CLEC18B: variants seen among roughly 807,000 people sequenced by gnomAD.
CLEC18B encodes the protein mannose receptor-like 2.
In CLEC18B, 5 loss-of-function variants were observed where a neutral mutation model predicts 60.4. The observed-to-expected ratio is 0.08, with a 90% confidence interval of 0.04 to 0.17. The LOEUF (loss-of-function observed/expected upper bound fraction) is 0.17, where lower values mean the gene tolerates loss of function less well. Ranked by LOEUF, CLEC18B falls within the 10% of genes least tolerant of loss-of-function variation. The pLI, the probability that CLEC18B is intolerant of heterozygous loss-of-function variation, is 1.00. For synonymous variants in CLEC18B, 16 were observed against 221.2 expected, an observed-to-expected ratio of 0.07 and a Z score of 8.23; for missense variants, 26 against 572.8, an observed-to-expected ratio of 0.05 and a Z score of 9.74.
At chr16:74,422,360 GGAGTTTGTGTGACCCCTGGCCCCT>G (rs2013718446), upstream of CLEC18B, 1 of 152,266 alleles carries the variant, frequency 6.6e-6, no homozygotes, top group Admixed American at 6.5e-5. Flanking sequence ...TCCTCCTTCT[GGAGTTTGTGTGACCCCTGGCCCCT>G]GAGCCCACAC....
upstream of CLEC18B, among the ~76,000 whole-genome samples, chr16:74,423,293 T>C (rs1361907632): frequency 1.3e-5 from 2 of 151,474 alleles, no homozygotes; most frequent in Non-Finnish European, 2.9e-5. Context: ...AGTTGACCCA[T>C]ATAGTATGAT....
At chr16:74,423,372 T>G (rs1207663199), upstream of CLEC18B, among the ~76,000 whole-genome samples, 20 of 152,160 alleles carry the variant, frequency 1.3e-4, no homozygotes, top group Non-Finnish European at 1.8e-4. Flanking sequence ...TTTTGAAGGG[T>G]CCCATGGCCC....
In CLEC18B at chr16:74,411,784, G is replaced by C. The variant is rs1252034695; in HGVS notation, c.878-9C>G. The C allele has an allele frequency of 1.4e-6, 2 of 1,473,768 alleles. No individual in the cohort carries two copies. The highest frequency in any genetic ancestry group is 1.9e-6 in the Non-Finnish European group (2 of 1,055,908). The allele number at this position is 1,473,768 out of a possible 1,614,324, so 91.3% of individuals were successfully genotyped here. On this transcript the variant is annotated splice_polypyrimidine_tract_variant and intron_variant, in intron 7 of 11. Transcript: ENST00000682950. ...GGGAAAATGCACCTTGGCTGGGGTA[G>C]GGGAGCCTGAGTTTGTGTGTGGACT...
chr16:74,411,959 A>G, intron 7 of CLEC18B, 184 bp from the exon 8 acceptor site: 1 of 1,468,476 alleles, frequency 6.8e-7, no homozygotes, highest in South Asian at 1.2e-5. Flanking sequence ...AAAGAAAAAA[A>G]AAATCCATGG....
At chr16:74,417,124 G>T (rs2013449513) in intron 3 of CLEC18B, among the ~76,000 whole-genome samples, 1 of 147,896 alleles carries the variant, frequency 6.8e-6, no homozygotes, top group African/African-American at 2.5e-5. Flanking sequence ...AATTAGTGGG[G>T]TGTGGTGGCT....
intron 10 of CLEC18B, chr16:74,410,016 T>C (rs2013055949): frequency 6.5e-7 from 1 of 1,546,436 alleles, no homozygotes; most frequent in South Asian, 1.2e-5. Flanking sequence ...CTGAAATCGC[T>C]GGAGCCCTTG....
intron 3 of CLEC18B, among the ~76,000 whole-genome samples, 165 bp downstream of exon 3, chr16:74,417,894 C>T (rs931398736): frequency 6.6e-5 from 10 of 151,670 alleles, no homozygotes; most frequent in African/African-American, 2.4e-4. Context: ...CTCTAGCCTG[C>T]GCAACACAGC....
In CLEC18B at chr16:74,413,694, G is replaced by T. The variant is rs754069505; in HGVS notation, c.457-18C>A. The T allele has an allele frequency of 6.2e-7, 1 of 1,613,628 alleles. No individual in the cohort carries two copies. Among genetic ancestry groups the T allele is most frequent in the African/African-American group, 1.3e-5 (1 of 74,946 alleles). ...CACACGAGCTACAGGAGACACAGGG[G>T]ATCAGAAACCCTATTGTGAACCACC... On this transcript the variant is annotated intron_variant, in intron 3 of 11. Coordinates refer to ENST00000682950, the MANE Select transcript of CLEC18B (RefSeq NM_001385193.1).
upstream of CLEC18B, chr16:74,422,315 A>T (rs1003877642): frequency 6.5e-6 from 1 of 152,682 alleles, no homozygotes; most frequent in African/African-American, 2.4e-5. Flanking sequence ...AGGTTATTCA[A>T]CCAGGGCAAA....
Position 74,419,194 on chromosome 16 carries a change from G to A in CLEC18B, c.217-896C>T, listed in dbSNP as rs566397625. On this transcript the variant is annotated intron_variant, in intron 2 of 11. Transcript: ENST00000682950. ...AGACTCCCTGAGCTCATCTGTAAAC[G>A]GAGCAGGGAGGTGCCTGCAGGATAG... Among the ~76,000 whole-genome samples the A allele has an allele frequency of 1.0e-3, 159 of 152,384 alleles. 1 individual carries two copies. In the East Asian group the frequency reaches 0.029, roughly 28 times the overall value.
At chr16:74,414,108 C>G (rs1335061887) in intron 3 of CLEC18B, among the ~76,000 whole-genome samples, 2 of 152,304 alleles carry the variant, frequency 1.3e-5, no homozygotes, top group Non-Finnish European at 2.9e-5. Context: ...CTCCCGACCT[C>G]AGGTGAACTG....
intron 3 of CLEC18B, among the ~76,000 whole-genome samples, chr16:74,413,980 C>T (rs1369954875): frequency 2.0e-5 from 3 of 152,298 alleles, no homozygotes; most frequent in Non-Finnish European, 4.4e-5. Flanking sequence ...TCATGTGATT[C>T]TCCTGCCTCA....
upstream of CLEC18B, among the ~76,000 whole-genome samples, chr16:74,423,595 A>G (rs1429038425): frequency 6.6e-6 from 1 of 152,196 alleles, no homozygotes; most frequent in Non-Finnish European, 1.5e-5. Flanking sequence ...AGGCTGAGGC[A>G]GGAGAATTGC....
chr16:74,411,929 ATTGAG>A, intron 7 of CLEC18B, 154 bp from the exon 8 acceptor site: 1 of 1,279,826 alleles, frequency 7.8e-7, no homozygotes, highest in East Asian at 2.4e-5. Context: ...CAGTTGGAAT[ATTGAG>A]CTTGCTCTCT....
chr16:74,421,316 C>A lies in CLEC18B; in HGVS notation c.-46G>T. On this transcript the variant is annotated 5_prime_UTR_variant, in exon 1 of 12. Transcript: ENST00000682950. ...GCGCTCCGTGCACAGCCTGGCTCAG[C>A]CACCCGGCTTGTTTCTCAGGCTGGA... 2 of 1,608,090 alleles carry A rather than the reference C, an allele frequency of 1.2e-6. No individual in the cohort carries two copies. The highest frequency in any genetic ancestry group is 1.7e-6 in the Non-Finnish European group (2 of 1,178,694).
chr16:74,413,312 G>C (rs2013267729), intron 4 of CLEC18B, among the ~76,000 whole-genome samples, 154 bp from the exon 5 acceptor site: 1 of 152,288 alleles, frequency 6.6e-6, no homozygotes, highest in South Asian at 2.1e-4. Flanking sequence ...TTCCCTGGGA[G>C]AGAAGAGATG....
At chr16:74,421,036 C>T (rs113759994) in intron 1 of CLEC18B, 111 bp downstream of exon 1, 33 of 1,402,640 alleles carry the variant, frequency 2.4e-5, no homozygotes, top group East Asian at 9.9e-5. Flanking sequence ...TTAAACCACC[C>T]GCACGGCCTG....
intron 1 of CLEC18B, among the ~76,000 whole-genome samples, 160 bp downstream of exon 1, chr16:74,420,987 C>T (rs1420264451): frequency 1.1e-5 from 1 of 94,726 alleles, no homozygotes; most frequent in Non-Finnish European, 2.4e-5. Context: ...GTCCAGCATC[C>T]ACCCCTCACC....
intron 5 of CLEC18B, 44 bp from the exon 6 acceptor site, chr16:74,412,924 A>T (rs774107537): frequency 6.2e-7 from 1 of 1,612,098 alleles, no homozygotes; most frequent in African/African-American, 1.3e-5. Context: ...GTCGCCTCCC[A>T]GCAGGCCGGG....
Sources: allele counts gnomAD v4.1 joint callset (sites outside exome capture counted in the v4.1 genomes callset), GRCh38; gene constraint gnomAD v4.1.1; transcripts MANE v1.5; gene names NCBI Gene and HGNC (gene_info 2026-07-23, HGNC 2026-07-21).